Variants in MYPN observed in about 807,000 individuals in gnomAD.
The protein encoded by MYPN is sarcomeric protein myopalladin, 145 kDa (MYOP).
Under a neutral mutation model 129.4 loss-of-function variants are expected in MYPN, and 63 were observed. That is an observed-to-expected ratio of 0.49 (90% CI 0.40 to 0.60). The LOEUF (loss-of-function observed/expected upper bound fraction) is 0.60. Ranked by LOEUF, MYPN falls within the 20% of genes least tolerant of loss-of-function variation. The pLI, the probability that MYPN is intolerant of heterozygous loss-of-function variation, is 0.00. For missense variants in MYPN, 1,596 were observed against 1,635.4 expected (o/e 0.98, Z 0.42); for synonymous variants, 629 against 600.9 (o/e 1.05, Z -0.68).
chr10:68,145,519 A>G lies in MYPN; in HGVS notation c.1123A>G (p.Met375Val), dbSNP rs2042649214. Residue 375 changes from methionine to valine, a missense_variant, in exon 4 of 20, where the codon ATG (methionine) becomes GTG (valine). Transcript: ENST00000358913. ...DSEGDPNKEE[M>V]NRIQKPNEVS... ...AGAAGGCGACCCTAACAAGGAAGAG[A>G]TGAATCGGTAATTCTGATTTTCTGT... 6.2e-7 allele frequency: 1 copy of G among 1,612,940 alleles called. No homozygotes were observed.
rs199585352 is a variant in MYPN at position 68,210,378 on chromosome 10, T to A, written c.3886T>A (p.Ser1296Thr). 70 of 1,614,222 alleles carry A rather than the reference T, an allele frequency of 4.3e-5. No homozygotes were observed. In the East Asian group the frequency reaches 1.5e-3, roughly 34 times the overall value. The change falls in exon 20 of 20, where the codon TCT becomes ACT. Residue 1296 changes from serine to threonine, a missense_variant. Transcript: ENST00000358913. ...SLTSKGLDIF[S>T]AFSSMESTMV... ...CACCAGTAAAGGACTTGACATATTT[T>A]CTGCCTTTTCCTCCATGGAAAGCAC...
At chr10:68,197,794 A>G (rs959063569) in intron 16 of MYPN, among the ~76,000 whole-genome samples, 1 of 152,174 alleles carries the variant, frequency 6.6e-6, no homozygotes, top group African/African-American at 2.4e-5. Context: ...CCCGCGTTCC[A>G]AGCCCCACAG....
Position 68,199,514 on chromosome 10 carries a change from T to G in MYPN, c.3432T>G (p.Tyr1144Ter). ...DPLTQRDAGT[Y>*]KCIATNKTGQ... is the part of the protein sequence containing the mutation. ...TCACTCAGCGCGACGCAGGGACCTA[T>G]AAGTGCATCGCTACCAACAAAACCG... Residue 1144 changes from tyrosine (Y) to a stop codon, truncating the protein, a stop_gained, in exon 17 of 20, where the codon TAT becomes TAG. Transcript: ENST00000358913. LOFTEE classifies it high-confidence loss of function. The G allele has an allele frequency of 6.2e-7, 1 of 1,614,148 alleles. No homozygotes were observed. Among genetic ancestry groups the G allele is most frequent in the Non-Finnish European group, 8.5e-7 (1 of 1,180,022 alleles).
chr10:68,140,022 G>A (rs539665649), intron 2 of MYPN, among the ~76,000 whole-genome samples: 92 of 152,284 alleles, frequency 6.0e-4, no homozygotes, highest in Non-Finnish European at 9.8e-4. Flanking sequence ...GAGGATAAGG[G>A]GGCTATATTG....
Position 68,195,550 on chromosome 10 carries a change from T to C in MYPN, c.3158+18T>C. 6.2e-7 allele frequency: 1 copy of C among 1,606,728 alleles called. No homozygotes were observed. The highest frequency in any genetic ancestry group is 8.5e-7 in the Non-Finnish European group (1 of 1,173,400). ...TCTCACAGGTAAAGACAGTAAGAAT[T>C]CCCCCTCTCTAGGCCCTTCCCAAGC... On this transcript the variant is annotated intron_variant, in intron 15 of 19. Transcript: ENST00000358913.
chr10:68,125,274 A>T (rs894961358), intron 2 of MYPN, among the ~76,000 whole-genome samples: 2 of 152,216 alleles, frequency 1.3e-5, no homozygotes, highest in Non-Finnish European at 2.9e-5. Flanking sequence ...TCCATGTAGC[A>T]ATGCTAATTT....
Position 68,169,181 on chromosome 10 carries a change from T to TA in MYPN, c.1973+2542dup, listed in dbSNP as rs59317396. On this transcript the variant is annotated intron_variant, in intron 10 of 19. Transcript: ENST00000358913. ...TAACACGGTGAAACTCCGTCTCTAC[T>TA]AAAAAAAAAAAAAAAAAAAAAAAAA... Among the ~76,000 whole-genome samples the TA allele has an allele frequency of 1.6e-3, 146 of 91,054 alleles. 2 individuals carry two copies. The highest frequency in any genetic ancestry group is 0.016 in the East Asian group (42 of 2,666). The allele number at this position is 91,054 out of a possible 152,430, so 59.7% of individuals were successfully genotyped here.
At chr10:68,131,924 C>T (rs181681223) in intron 2 of MYPN, among the ~76,000 whole-genome samples, 152 of 152,316 alleles carry the variant, frequency 1.0e-3, no homozygotes, top group African/African-American at 3.5e-3. Flanking sequence ...GACTTTTCCT[C>T]ATTCAACAAC....
intron 1 of MYPN, among the ~76,000 whole-genome samples, chr10:68,111,806 C>A (rs1564641764): frequency 6.6e-6 from 1 of 152,200 alleles, no homozygotes; most frequent in Admixed American, 6.5e-5. Flanking sequence ...GTGCACTCCA[C>A]TCTCAGGGAG....
At chr10:68,089,488 T>C (rs834920) in intron 1 of MYPN, among the ~76,000 whole-genome samples, 80,983 of 151,800 alleles carry the variant, frequency 0.53, 25,587 homozygotes, top group African/African-American at 0.86. Flanking sequence ...ACTACAGGTG[T>C]CTGCCACCAT....
At chr10:68,178,067 G>C (rs1013006894) in intron 12 of MYPN, among the ~76,000 whole-genome samples, 1 of 152,134 alleles carries the variant, frequency 6.6e-6, no homozygotes, top group Non-Finnish European at 1.5e-5. Flanking sequence ...TGTTTTCTTT[G>C]ATGTATCTAC....
intron 6 of MYPN, 49 bp from the exon 7 acceptor site, chr10:68,158,437 C>A (rs1188095062): frequency 6.3e-7 from 1 of 1,580,032 alleles, no homozygotes; most frequent in Non-Finnish European, 8.7e-7. Context: ...AACTAGATTA[C>A]AAAAATGTGT....
intron 12 of MYPN, among the ~76,000 whole-genome samples, chr10:68,176,570 T>C (rs1214616629): frequency 6.6e-6 from 1 of 152,226 alleles, no homozygotes; most frequent in Non-Finnish European, 1.5e-5. Context: ...AATTGTGTTA[T>C]ATATTGAGCA....
At chr10:68,144,570 G>A (rs758060966) in intron 3 of MYPN, among the ~76,000 whole-genome samples, 4 of 151,936 alleles carry the variant, frequency 2.6e-5, no homozygotes, top group Admixed American at 6.6e-5. Flanking sequence ...ATATATCTTC[G>A]TGGAATGCAC....
At chr10:68,163,364 C>T (rs149635299) in intron 8 of MYPN, among the ~76,000 whole-genome samples, 1,602 of 152,148 alleles carry the variant, frequency 0.011, 12 homozygotes, top group Non-Finnish European at 0.016. Flanking sequence ...CGGTGGCTCA[C>T]GCCTGTAATC....
At chr10:68,144,360 T>G (rs1453026937) in intron 3 of MYPN, among the ~76,000 whole-genome samples, 1 of 152,178 alleles carries the variant, frequency 6.6e-6, no homozygotes, top group African/African-American at 2.4e-5. Flanking sequence ...AGATGCCCAT[T>G]TATCAACTAG....
chr10:68,145,423 A>G (rs2042646533), intron 3 of MYPN, 52 bp from the exon 4 acceptor site: 3 of 1,457,052 alleles, frequency 2.1e-6, no homozygotes, highest in East Asian at 2.3e-5. Context: ...TTAGGAACCA[A>G]TTTAAGAAAT....
chr10:68,110,751 A>G (rs546042947), intron 1 of MYPN, among the ~76,000 whole-genome samples: 17 of 152,336 alleles, frequency 1.1e-4, no homozygotes, highest in Admixed American at 1.0e-3. Context: ...ACTTACAGCT[A>G]TCATAAACAT....
chr10:68,199,466 C>T lies in MYPN; in HGVS notation c.3384C>T (p.Val1128=). 6.2e-7 allele frequency: 1 copy of T among 1,614,140 alleles called. No individual in the cohort carries two copies. ...AGATGCTGGTCAGGGAGACCGGAGT[C>T]CACTCTCTGCTCATTGACCCACTCA... is the stretch of plus-strand genomic sequence containing the variant. The part of the protein sequence containing the change: ...SHKMLVRETG[V]HSLLIDPLTQ... Residue 1128 remains valine (V), a synonymous_variant, in exon 17 of 20, where the codon GTC becomes GTT. Transcript: ENST00000358913.
Sources: allele counts gnomAD v4.1 joint callset (sites outside exome capture counted in the v4.1 genomes callset), GRCh38; gene constraint gnomAD v4.1.1; transcripts MANE v1.5; gene names NCBI Gene and HGNC (gene_info 2026-07-23, HGNC 2026-07-21).